Variants in SHROOM3 observed in about 807,000 individuals in gnomAD.
SHROOM3 encodes shroom family member 3.
A neutral mutation model predicts 138.6 loss-of-function variants in SHROOM3; 47 were observed. The ratio of observed to expected loss-of-function variants is 0.34; its 90% confidence interval spans 0.27 to 0.43. SHROOM3 has a LOEUF of 0.43. Ranked by LOEUF, SHROOM3 falls within the 20% of genes least tolerant of loss-of-function variation. The pLI is 1.00. For missense variants in SHROOM3, 2,491 were observed against 2,596.5 expected, an observed-to-expected ratio of 0.96 and a Z score of 0.88; for synonymous variants, 1,062 against 1,063.3, an observed-to-expected ratio of 1.00 and a Z score of 0.02.
intron 3 of SHROOM3, among the ~76,000 whole-genome samples, chr4:76,726,074 G>C (rs344128): frequency 0.98 from 148,501 of 152,262 alleles, 72,535 homozygotes; most frequent in East Asian, 1. Flanking sequence ...CCATCCTAAA[G>C]CATGCCATTG....
At chr4:76,712,593 A>G (rs1325487839) in intron 3 of SHROOM3, among the ~76,000 whole-genome samples, 3 of 152,222 alleles carry the variant, frequency 2.0e-5, no homozygotes, top group Non-Finnish European at 4.4e-5. Flanking sequence ...CGATGGCGCT[A>G]TGTCTGTATG....
chr4:76,715,660 A>G (rs1219368999), intron 3 of SHROOM3, among the ~76,000 whole-genome samples: 1 of 152,208 alleles, frequency 6.6e-6, no homozygotes, highest in Non-Finnish European at 1.5e-5. Flanking sequence ...GGGATCTCGG[A>G]TCACCATGCT....
At chr4:76,742,038 TG>T in intron 5 of SHROOM3, 112 bp downstream of exon 5, 1 of 1,378,528 alleles carries the variant, frequency 7.3e-7, no homozygotes, top group Non-Finnish European at 1.0e-6. Flanking sequence ...CAGTTTTCCT[TG>T]TGATTACAGA....
At position 76,778,884 on chromosome 4, in the gene SHROOM3, C is replaced by A. The variant is rs770837589; in HGVS notation, c.5698C>A (p.Arg1900Ser). ...DARELKENLD[R>S]RERVVLGILA... The stretch of plus-strand genomic sequence containing the variant: ...CCGGGAGCTGAAGGAGAACCTGGAT[C>A]GCAGGGAGCGAGTAGTGCTGGGCAT... The change falls in exon 11 of 11, where the codon CGC (arginine) becomes AGC (serine). Residue 1900 changes from arginine to serine, a missense_variant. Arg to Ser is a moderately radical substitution (Grantham distance 110). Around this residue, in one of 4 missense-constraint regions of SHROOM3, gnomAD observed 470 missense variants for 595.0 expected, o/e 0.79. Coordinates refer to ENST00000296043, the MANE Select transcript of SHROOM3 (RefSeq NM_020859.4). 6.2e-7 allele frequency: 1 copy of A among 1,613,254 alleles called. No homozygotes were observed. The highest frequency in any genetic ancestry group is 8.5e-7 in the Non-Finnish European group (1 of 1,180,042).
At chr4:76,738,344 T>G (rs1300768832) in intron 4 of SHROOM3, among the ~76,000 whole-genome samples, 1 of 152,198 alleles carries the variant, frequency 6.6e-6, no homozygotes, top group Non-Finnish European at 1.5e-5. Flanking sequence ...GCCTATTCTC[T>G]TATTAACTTT....
intron 2 of SHROOM3, chr4:76,689,665 G>A: frequency 1.0e-6 from 1 of 985,446 alleles, no homozygotes; most frequent in Non-Finnish European, 1.2e-6. Context: ...GGAGCCCCGA[G>A]CAGCCCGGGG....
chr4:76,747,338 G>T (rs1439214508), intron 5 of SHROOM3, among the ~76,000 whole-genome samples: 1 of 151,944 alleles, frequency 6.6e-6, no homozygotes, highest in Admixed American at 6.6e-5. Context: ...TATGCTCAAA[G>T]CAAGAAATGC....
chr4:76,735,976 G>C (rs1273619576), intron 4 of SHROOM3, among the ~76,000 whole-genome samples: 2 of 146,934 alleles, frequency 1.4e-5, no homozygotes, highest in African/African-American at 2.5e-5. Flanking sequence ...GATTTGTTGT[G>C]TGTGTTCCTA....
intron 3 of SHROOM3, among the ~76,000 whole-genome samples, chr4:76,711,098 A>C (rs926719054): frequency 9.9e-5 from 15 of 152,204 alleles, no homozygotes; most frequent in Admixed American, 4.6e-4. Flanking sequence ...CATCATTCTC[A>C]TCATTATCAC....
intron 5 of SHROOM3, among the ~76,000 whole-genome samples, chr4:76,746,139 A>G (rs1435952817): frequency 6.6e-6 from 1 of 152,246 alleles, no homozygotes; most frequent in Non-Finnish European, 1.5e-5. Flanking sequence ...GTCTGACTGC[A>G]GAGTCTTTAA....
intron 1 of SHROOM3, among the ~76,000 whole-genome samples, chr4:76,493,224 C>CAA (rs35837765): frequency 0.026 from 1,457 of 55,304 alleles, 39 homozygotes; most frequent in African/African-American, 0.035. Flanking sequence ...AACTCCATCT[C>CAA]AAAAAAAAAA....
intron 2 of SHROOM3, among the ~76,000 whole-genome samples, chr4:76,646,247 T>TATATATATATATATATATATAA (rs1355216659): frequency 7.1e-6 from 1 of 140,776 alleles, no homozygotes; most frequent in Non-Finnish European, 1.5e-5. Context: ...TATATATATA[T>TATATATATATATATATATATAA]AAAATTAAAA....
At chr4:76,486,049 T>G (rs1452844822) in intron 1 of SHROOM3, among the ~76,000 whole-genome samples, 5 of 152,172 alleles carry the variant, frequency 3.3e-5, no homozygotes, top group African/African-American at 1.2e-4. Flanking sequence ...TGGATAGGAC[T>G]AGTTGCTTCC....
intron 4 of SHROOM3, among the ~76,000 whole-genome samples, chr4:76,736,495 C>T (rs922750314): frequency 4.6e-5 from 7 of 152,186 alleles, no homozygotes; most frequent in African/African-American, 1.4e-4. Flanking sequence ...CTAGTCTCAA[C>T]ATATTATCTG....
chr4:76,583,092 T>A (rs1158728199), intron 2 of SHROOM3, among the ~76,000 whole-genome samples: 1 of 152,146 alleles, frequency 6.6e-6, no homozygotes. Context: ...AACTCAGATG[T>A]AGAGAAAGGA....
chr4:76,671,356 A>G (rs2110098164), intron 2 of SHROOM3, among the ~76,000 whole-genome samples: 1 of 152,214 alleles, frequency 6.6e-6, no homozygotes, highest in Non-Finnish European at 1.5e-5. Context: ...AAAACTTCCA[A>G]TGGCTTCCAG....
intron 2 of SHROOM3, among the ~76,000 whole-genome samples, chr4:76,651,424 A>ATATATATT (rs1735959575): frequency 1.0e-5 from 1 of 99,284 alleles, no homozygotes; most frequent in Non-Finnish European, 2.2e-5. Flanking sequence ...ATATATATAT[A>ATATATATT]TATATATATA....
intron 1 of SHROOM3, among the ~76,000 whole-genome samples, chr4:76,550,896 G>C (rs1004461654): frequency 4.6e-5 from 7 of 151,654 alleles, no homozygotes; most frequent in African/African-American, 1.7e-4. Flanking sequence ...CTACTGAGGA[G>C]GCTGAGGTGG....
chr4:76,719,990 C>G (rs1468360848), intron 3 of SHROOM3, among the ~76,000 whole-genome samples: 1 of 152,156 alleles, frequency 6.6e-6, no homozygotes, highest in Non-Finnish European at 1.5e-5. Flanking sequence ...GACATATTAT[C>G]AGGATGTGAC....
Sources: allele counts gnomAD v4.1 joint callset (sites outside exome capture counted in the v4.1 genomes callset), GRCh38; gene constraint gnomAD v4.1.1; regional missense constraint gnomAD v4.1.1; transcripts MANE v1.5; gene names NCBI Gene and HGNC (gene_info 2026-07-23, HGNC 2026-07-21).